LDLRAD3: variants seen among roughly 807,000 people sequenced by gnomAD.
LDLRAD3 encodes low density lipoprotein receptor class A domain containing 3.
Under a neutral mutation model 29.4 loss-of-function variants are expected in LDLRAD3, and 20 were observed. That is an observed-to-expected ratio of 0.68 (90% confidence interval 0.48 to 0.99). The LOEUF (loss-of-function observed/expected upper bound fraction) is 0.99. LDLRAD3 is among the 50% of genes least tolerant of loss of function. The pLI is 0.00. For missense variants in LDLRAD3, 420 were observed against 454.3 expected (o/e 0.92, Z 0.69); for synonymous variants, 157 against 192.7 (o/e 0.81, Z 1.53).
intron 1 of LDLRAD3, among the ~76,000 whole-genome samples, chr11:36,010,812 CT>C (rs1260877321): frequency 4.0e-5 from 6 of 149,472 alleles, no homozygotes; most frequent in Admixed American, 1.3e-4. Context: ...CTTAGAAATT[CT>C]TTTTTTTTTG....
intron 4 of LDLRAD3, among the ~76,000 whole-genome samples, chr11:36,169,512 G>A (rs1167133422): frequency 6.6e-6 from 1 of 152,054 alleles, no homozygotes. Context: ...GATCAATTTT[G>A]TTTAGCTCCC....
At chr11:35,970,873 G>T (rs989650162) in intron 1 of LDLRAD3, among the ~76,000 whole-genome samples, 1 of 152,176 alleles carries the variant, frequency 6.6e-6, no homozygotes, top group Non-Finnish European at 1.5e-5. Flanking sequence ...TCTAATCCTG[G>T]ATTTGGCCAG....
At chr11:36,200,485 A>C (rs978161731) in intron 4 of LDLRAD3, among the ~76,000 whole-genome samples, 1 of 152,220 alleles carries the variant, frequency 6.6e-6, no homozygotes, top group Admixed American at 6.5e-5. Flanking sequence ...AGGGGGATAC[A>C]TACATTCAGT....
intron 4 of LDLRAD3, among the ~76,000 whole-genome samples, chr11:36,190,168 ATGAC>A (rs761924103): frequency 2.0e-5 from 3 of 152,162 alleles, no homozygotes; most frequent in Non-Finnish European, 4.4e-5. Context: ...AACCTAAAAG[ATGAC>A]TGAAGATACA....
At chr11:35,975,261 A>C (rs1038876092) in intron 1 of LDLRAD3, among the ~76,000 whole-genome samples, 1 of 152,164 alleles carries the variant, frequency 6.6e-6, no homozygotes, top group Non-Finnish European at 1.5e-5. Flanking sequence ...ATATTGTTAA[A>C]TACTACTTTT....
At chr11:36,004,034 A>G (rs1851855629) in intron 1 of LDLRAD3, among the ~76,000 whole-genome samples, 1 of 152,208 alleles carries the variant, frequency 6.6e-6, no homozygotes, top group African/African-American at 2.4e-5. Context: ...CCAATATGAC[A>G]TGAGACTTGG....
chr11:35,947,499 T>TA (rs1233988292), intron 1 of LDLRAD3, among the ~76,000 whole-genome samples: 163 of 136,180 alleles, frequency 1.2e-3, no homozygotes, highest in Admixed American at 2.5e-3. Context: ...CTGCCTCAAT[T>TA]AAAAAAAAAA....
intron 4 of LDLRAD3, among the ~76,000 whole-genome samples, chr11:36,107,748 C>T (rs1179924764): frequency 6.6e-6 from 1 of 152,132 alleles, no homozygotes. Context: ...CTCCTCCTTC[C>T]AGCTTTGTGT....
intron 4 of LDLRAD3, among the ~76,000 whole-genome samples, chr11:36,101,009 A>G (rs970093706): frequency 1.3e-5 from 2 of 152,098 alleles, no homozygotes; most frequent in African/African-American, 4.8e-5. Flanking sequence ...TCCCATAAAT[A>G]TGAGGTTTAT....
intron 1 of LDLRAD3, among the ~76,000 whole-genome samples, chr11:35,945,861 A>G (rs1565115137): frequency 6.6e-6 from 1 of 152,212 alleles, no homozygotes; most frequent in East Asian, 1.9e-4. Flanking sequence ...AGCAGTGGCT[A>G]TTTAATGTGT....
intron 1 of LDLRAD3, among the ~76,000 whole-genome samples, chr11:35,957,093 T>C (rs1180483221): frequency 6.6e-6 from 1 of 152,240 alleles, no homozygotes; most frequent in African/African-American, 2.4e-5. Flanking sequence ...TATTGATTAG[T>C]AATAGGTTTA....
At chr11:36,028,624 C>A (rs1590214456) in intron 1 of LDLRAD3, among the ~76,000 whole-genome samples, 1 of 152,028 alleles carries the variant, frequency 6.6e-6, no homozygotes, top group South Asian at 2.1e-4. Flanking sequence ...TAACTTTGAA[C>A]CTCAATTAAG....
chr11:36,120,871 A>G (rs1032462340), intron 4 of LDLRAD3, among the ~76,000 whole-genome samples: 1 of 152,198 alleles, frequency 6.6e-6, no homozygotes, highest in African/African-American at 2.4e-5. Flanking sequence ...AAGGGGTACA[A>G]GGGAGCACAT....
intron 1 of LDLRAD3, among the ~76,000 whole-genome samples, chr11:35,946,446 GA>G (rs1851058040): frequency 6.6e-6 from 1 of 152,198 alleles, no homozygotes; most frequent in Admixed American, 6.5e-5. Flanking sequence ...AACCTTCTCA[GA>G]CACCTTGCAT....
At chr11:35,973,170 TG>T (rs1295768224) in intron 1 of LDLRAD3, among the ~76,000 whole-genome samples, 9 of 151,816 alleles carry the variant, frequency 5.9e-5, no homozygotes, top group Non-Finnish European at 8.8e-5. Flanking sequence ...TGTTTTGTTT[TG>T]TTTTTTTTGA....
intron 4 of LDLRAD3, among the ~76,000 whole-genome samples, chr11:36,140,992 T>TTCTCTCTCTC (rs557939353): frequency 0.081 from 8,903 of 109,794 alleles, 920 homozygotes; most frequent in Non-Finnish European, 0.11. Context: ...CTGTTGAGCT[T>TTCTCTCTCTC]TCTCTCTCTC....
intron 2 of LDLRAD3, 150 bp downstream of exon 2, chr11:36,036,399 A>G (rs947120257): frequency 4.9e-6 from 4 of 816,720 alleles, no homozygotes; most frequent in African/African-American, 1.7e-5. Context: ...TCTTTGCTGT[A>G]TCTCCATCTC....
intron 1 of LDLRAD3, among the ~76,000 whole-genome samples, chr11:35,966,002 C>T (rs1851336539): frequency 6.6e-6 from 1 of 152,162 alleles, no homozygotes; most frequent in African/African-American, 2.4e-5. Flanking sequence ...TACTACTGAC[C>T]TACTGAATTC....
chr11:36,192,143 A>T (rs1054080863), intron 4 of LDLRAD3, among the ~76,000 whole-genome samples: 3 of 152,154 alleles, frequency 2.0e-5, no homozygotes, highest in African/African-American at 4.8e-5. Flanking sequence ...CAACTATTTG[A>T]CTCTTTAAAT....
Sources: allele counts gnomAD v4.1 joint callset (sites outside exome capture counted in the v4.1 genomes callset), GRCh38; gene constraint gnomAD v4.1.1; transcripts MANE v1.5; gene names NCBI Gene and HGNC (gene_info 2026-07-23, HGNC 2026-07-21).